The following RPS6KC1 variants were observed in gnomAD, a reference collection of about 807,000 sequenced individuals.
RPS6KC1 encodes ribosomal protein S6 kinase C1, also known as inactive ribosomal protein S6 kinase delta-1.
In RPS6KC1, 54 loss-of-function variants were observed where a neutral mutation model predicts 103.8. The ratio of observed to expected loss-of-function variants is 0.52; its 90% confidence interval spans 0.42 to 0.65. RPS6KC1 has a LOEUF of 0.65. Among genes scored for constraint, RPS6KC1 ranks in the 30% least tolerant of loss-of-function variants. The probability of loss-of-function intolerance (pLI) is 0.00; values close to 1 mark genes in which losing one functional copy is unlikely to be tolerated. For missense variants in RPS6KC1, 1,151 were observed against 1,253.8 expected (o/e 0.92, Z 1.24); for synonymous variants, 439 against 438.7 (o/e 1.00, Z -0.01).
chr1:213,763,703 A>G, the RPS6KC1 span, among the ~76,000 whole-genome samples: 1 of 152,230 alleles, frequency 6.6e-6, no homozygotes, highest in Admixed American at 6.5e-5. Context: ...TAAACGAGTA[A>G]GATTCTTAGC....
the RPS6KC1 span, chr1:213,840,396 A>T: frequency 6.6e-6 from 1 of 151,988 alleles, no homozygotes; most frequent in East Asian, 1.9e-4. Context: ...TGATTGCCCT[A>T]CTCATCTTTA....
chr1:213,728,518 A>T, the RPS6KC1 span, among the ~76,000 whole-genome samples: 5 of 152,162 alleles, frequency 3.3e-5, no homozygotes, highest in Admixed American at 3.3e-4. Context: ...CCGCTACAGG[A>T]TCTTCACCTT....
chr1:213,824,663 G>C, the RPS6KC1 span, among the ~76,000 whole-genome samples: 1 of 152,152 alleles, frequency 6.6e-6, no homozygotes, highest in East Asian at 1.9e-4. Context: ...CATGAGATCT[G>C]ATGGTCCTAT....
the RPS6KC1 span, among the ~76,000 whole-genome samples, chr1:213,488,741 T>C: frequency 6.6e-6 from 1 of 152,220 alleles, no homozygotes; most frequent in Non-Finnish European, 1.5e-5. Context: ...GGAATCCCAT[T>C]TGTCCCAAAC....
the RPS6KC1 span, among the ~76,000 whole-genome samples, chr1:213,285,928 C>T: frequency 1.7e-4 from 26 of 152,298 alleles, no homozygotes; most frequent in Non-Finnish European, 1.5e-5. Flanking sequence ...ACTGAATCTG[C>T]TGGCACCTTG....
At chr1:213,365,983 C>G in the RPS6KC1 span, among the ~76,000 whole-genome samples, 3 of 152,186 alleles carry the variant, frequency 2.0e-5, no homozygotes, top group Non-Finnish European at 4.4e-5. Context: ...CTATCTAGAG[C>G]CTTGGTCTCA....
the RPS6KC1 span, among the ~76,000 whole-genome samples, chr1:213,588,102 G>GTC: frequency 2.0e-5 from 3 of 151,832 alleles, no homozygotes; most frequent in African/African-American, 7.3e-5. Flanking sequence ...TTGAGACAGG[G>GTC]TCTCTCTCTC....
chr1:213,086,084 A>G (rs925044996), intron 3 of RPS6KC1, among the ~76,000 whole-genome samples: 2 of 152,066 alleles, frequency 1.3e-5, no homozygotes, highest in Admixed American at 6.6e-5. Context: ...TTCTCAGTTT[A>G]TTGTATTTTA....
intron 12 of RPS6KC1, among the ~76,000 whole-genome samples, chr1:213,257,290 G>T (rs1188432937): frequency 6.6e-6 from 1 of 152,048 alleles, no homozygotes; most frequent in African/African-American, 2.4e-5. Flanking sequence ...AATTTAAAAG[G>T]TACCTTTATA....
the RPS6KC1 span, among the ~76,000 whole-genome samples, chr1:213,546,660 A>T: frequency 3.9e-3 from 587 of 152,068 alleles, 2 homozygotes; most frequent in African/African-American, 0.013. Context: ...GCATTATTTT[A>T]AAAAAAAATT....
chr1:213,575,540 G>T, the RPS6KC1 span, among the ~76,000 whole-genome samples: 1 of 152,202 alleles, frequency 6.6e-6, no homozygotes, highest in African/African-American at 2.4e-5. Flanking sequence ...TCCCCATTTT[G>T]CTTAGCACTT....
the RPS6KC1 span, among the ~76,000 whole-genome samples, chr1:213,507,549 A>ATT: frequency 0.015 from 2,202 of 142,790 alleles, 32 homozygotes; most frequent in Non-Finnish European, 0.019. Flanking sequence ...CAACCCTCTC[A>ATT]TTTTTTTTTT....
chr1:213,352,740 T>A, the RPS6KC1 span, among the ~76,000 whole-genome samples: 7 of 152,318 alleles, frequency 4.6e-5, no homozygotes, highest in African/African-American at 1.7e-4. Flanking sequence ...ATGATTGATC[T>A]ATGATTAATA....
chr1:213,200,162 A>T (rs1344169736), intron 8 of RPS6KC1, among the ~76,000 whole-genome samples: 1 of 152,212 alleles, frequency 6.6e-6, no homozygotes, highest in Non-Finnish European at 1.5e-5. Flanking sequence ...ACCAAAAAGG[A>T]ACCTGAATAG....
chr1:213,501,292 T>A, the RPS6KC1 span, among the ~76,000 whole-genome samples: 162 of 152,332 alleles, frequency 1.1e-3, 1 homozygote, highest in African/African-American at 3.7e-3. Flanking sequence ...AACAAAAGAT[T>A]GCCTATAAAT....
intron 8 of RPS6KC1, among the ~76,000 whole-genome samples, chr1:213,182,895 G>A (rs565699932): frequency 1.6e-4 from 24 of 146,774 alleles, no homozygotes; most frequent in Admixed American, 8.2e-4. Context: ...TATATATGAC[G>A]TATATATCAT....
the RPS6KC1 span, among the ~76,000 whole-genome samples, chr1:213,423,757 G>C: frequency 6.6e-6 from 1 of 152,054 alleles, no homozygotes; most frequent in East Asian, 1.9e-4. Context: ...AGCCTTGGAG[G>C]GGGAGCGGCA....
intron 12 of RPS6KC1, among the ~76,000 whole-genome samples, chr1:213,258,793 A>C (rs1270810374): frequency 6.6e-6 from 1 of 152,210 alleles, no homozygotes. Flanking sequence ...ATTTCTAATA[A>C]CACACACCCT....
chr1:213,441,771 T>C, the RPS6KC1 span, among the ~76,000 whole-genome samples: 2 of 152,252 alleles, frequency 1.3e-5, no homozygotes, highest in Non-Finnish European at 2.9e-5. Flanking sequence ...TTTTGAGTTC[T>C]ATTGGATAGT....
Sources: gnomAD v4.1 joint callset for allele counts (sites outside exome capture counted in the v4.1 genomes callset) on GRCh38, gnomAD v4.1.1 for gene constraint, MANE v1.5 for transcripts, NCBI Gene and HGNC (gene_info 2026-07-23, HGNC 2026-07-21) for gene names.